Variants in LCORL observed in about 807,000 individuals in gnomAD.
LCORL encodes ligand dependent nuclear receptor corepressor like, also known as ligand-dependent nuclear receptor corepressor-like protein.
LCORL carries 41 observed loss-of-function variants against 141.8 expected under a neutral mutation model. The ratio of observed to expected loss-of-function variants is 0.29; its 90% CI spans 0.23 to 0.38. LCORL has a LOEUF of 0.38. LCORL is among the 10% of genes least tolerant of loss of function. The pLI, the probability that LCORL is intolerant of heterozygous loss-of-function variation, is 1.00. For synonymous variants in LCORL, 618 were observed against 694.1 expected (o/e 0.89, Z 1.72); for missense variants, 1,759 against 2,035.0 (o/e 0.86, Z 2.61).
chr4:17,947,451 G>A (rs1020679125), intron 4 of LCORL, among the ~76,000 whole-genome samples: 2 of 151,848 alleles, frequency 1.3e-5, no homozygotes, highest in Non-Finnish European at 2.9e-5. Flanking sequence ...ATCTCAAAAG[G>A]AATATGGATT....
intron 1 of LCORL, among the ~76,000 whole-genome samples, chr4:17,992,040 C>T (rs1720116524): frequency 6.6e-6 from 1 of 152,064 alleles, no homozygotes; most frequent in South Asian, 2.1e-4. Flanking sequence ...AGAGTACGTA[C>T]CATAACGTTT....
At chr4:18,020,946 A>G (rs1192481338) in intron 1 of LCORL, among the ~76,000 whole-genome samples, 1 of 152,172 alleles carries the variant, frequency 6.6e-6, no homozygotes, top group Non-Finnish European at 1.5e-5. Flanking sequence ...TCCTTCTTAA[A>G]GGGGTACACA....
Position 17,874,203 on chromosome 4 carries a change from C to T in LCORL, c.4787G>A (p.Arg1596Lys), listed in dbSNP as rs1240588761. 6 of 1,233,860 alleles carry T rather than the reference C, an allele frequency of 4.9e-6. No individual in the cohort carries two copies. The African/African-American group carries it at 9.3e-5, about 19-fold the overall frequency. The allele number at this position is 1,233,860 out of a possible 1,614,324, so 76.4% of individuals were successfully genotyped here. A position where few individuals can be genotyped will look rare whatever the true frequency, so the allele number is the denominator to read the frequency against. Residue 1596 changes from arginine (R) to lysine (K), a missense_variant, in exon 7 of 8, where the codon AGG (arginine) becomes AAG (lysine). Around this residue, in one of 5 missense-constraint regions of LCORL, gnomAD observed 313 missense variants for 336.1 expected, o/e 0.93. Coordinates refer to ENST00000635767, the Ensembl canonical transcript of LCORL. ...ATGATGCAACCTCTTAAACTCAGTC[C>T]TTTTTAATCTAGCTATTGCTAAATT...
chr4:17,949,716 T>C (rs1739426666), intron 4 of LCORL, among the ~76,000 whole-genome samples: 1 of 152,210 alleles, frequency 6.6e-6, no homozygotes, highest in Admixed American at 6.5e-5. Context: ...ATCTATTTCT[T>C]AAATTCTGTT....
chr4:17,999,852 C>T (rs1560465749), intron 1 of LCORL, among the ~76,000 whole-genome samples: 2 of 152,176 alleles, frequency 1.3e-5, no homozygotes, highest in Admixed American at 6.6e-5. Flanking sequence ...CAATTTTCAA[C>T]ACTCAAGACT....
At chr4:17,917,063 C>G (rs1457225032) in intron 4 of LCORL, among the ~76,000 whole-genome samples, 1 of 152,086 alleles carries the variant, frequency 6.6e-6, no homozygotes, top group Non-Finnish European at 1.5e-5. Context: ...CAACCTCTGC[C>G]TCTTGGGTTC....
At chr4:17,854,707 CTT>C (rs1724153960) in intron 7 of LCORL, among the ~76,000 whole-genome samples, 1 of 151,826 alleles carries the variant, frequency 6.6e-6, no homozygotes, top group African/African-American at 2.4e-5. Context: ...AAACAAAAAA[CTT>C]AGTTTTTCTC....
At chr4:17,875,942 A>T (rs2109183191) in exon 7 of LCORL, 1 of 1,231,298 alleles carries the variant, frequency 8.1e-7, no homozygotes, top group East Asian at 3.2e-5. Context: ...GATAATTTTC[A>T]GAGTTCGCAT....
At chr4:17,984,788 T>C (rs886404640) in intron 1 of LCORL, among the ~76,000 whole-genome samples, 1 of 152,176 alleles carries the variant, frequency 6.6e-6, no homozygotes, top group Non-Finnish European at 1.5e-5. Context: ...TGGTTATTTC[T>C]TGTTTTCTGC....
chr4:17,968,655 A>G (rs1049540945), intron 2 of LCORL, among the ~76,000 whole-genome samples: 4 of 152,216 alleles, frequency 2.6e-5, no homozygotes, highest in Non-Finnish European at 5.9e-5. Flanking sequence ...TTTGCAAGCC[A>G]TACAGTCTCT....
chr4:17,973,664 A>G (rs757747222), intron 1 of LCORL, among the ~76,000 whole-genome samples: 1 of 151,966 alleles, frequency 6.6e-6, no homozygotes, highest in Non-Finnish European at 1.5e-5. Context: ...TTTGGGAGGA[A>G]AAAACTAAAC....
At chr4:17,873,675 G>T (rs1726614673) in exon 7 of LCORL, 1 of 1,233,816 alleles carries the variant, frequency 8.1e-7, no homozygotes, top group Admixed American at 4.2e-5. Flanking sequence ...AGATCTTAAA[G>T]TAAAGCGCTT....
chr4:17,988,760 G>C (rs1055721300), intron 1 of LCORL, among the ~76,000 whole-genome samples: 3 of 152,142 alleles, frequency 2.0e-5, no homozygotes, highest in African/African-American at 7.2e-5. Context: ...CAAGGCAGGT[G>C]GATCACTTGA....
intron 7 of LCORL, among the ~76,000 whole-genome samples, chr4:17,872,168 T>G (rs1027478356): frequency 6.6e-6 from 1 of 151,922 alleles, no homozygotes; most frequent in African/African-American, 2.4e-5. Flanking sequence ...TTTCCAAATG[T>G]AAAATTTCTT....
At chr4:17,842,468 A>C in exon 8 of LCORL, 3 of 1,011,084 alleles carry the variant, frequency 3.0e-6, no homozygotes, top group Non-Finnish European at 4.6e-6. Flanking sequence ...TGCGAATGAG[A>C]GAGAATATAT....
chr4:17,853,937 G>C (rs560990307), intron 7 of LCORL, among the ~76,000 whole-genome samples: 42 of 152,254 alleles, frequency 2.8e-4, no homozygotes, highest in African/African-American at 1.0e-3. Flanking sequence ...TTGCGGCTTG[G>C]TAAGGAGGCA....
At chr4:17,882,337 G>T in intron 6 of LCORL, 1 of 984,522 alleles carries the variant, frequency 1.0e-6, no homozygotes, top group Non-Finnish European at 1.2e-6. Context: ...AGAGAATTTT[G>T]AATACATAAA....
intron 5 of LCORL, among the ~76,000 whole-genome samples, chr4:17,894,235 T>C (rs1256623570): frequency 1.3e-5 from 2 of 152,182 alleles, no homozygotes; most frequent in Non-Finnish European, 2.9e-5. Context: ...GTTGAAAAAC[T>C]GTAAGTTGAA....
At chr4:17,851,930 T>C (rs1395324693) in intron 7 of LCORL, among the ~76,000 whole-genome samples, 1 of 152,352 alleles carries the variant, frequency 6.6e-6, no homozygotes, top group East Asian at 1.9e-4. Flanking sequence ...TTAAGCATAT[T>C]TTAATGTTTT....
Sources: allele counts gnomAD v4.1 joint callset (sites outside exome capture counted in the v4.1 genomes callset), GRCh38; gene constraint gnomAD v4.1.1; regional missense constraint gnomAD v4.1.1; transcripts MANE v1.5; gene names NCBI Gene and HGNC (gene_info 2026-07-23, HGNC 2026-07-21).